The following NBPF14 variants were observed in gnomAD, a reference collection of about 807,000 sequenced individuals.
The protein encoded by NBPF14 is NBPF member 14.
A neutral mutation model predicts 91.2 loss-of-function variants in NBPF14; 104 were observed. The observed-to-expected ratio is 1.14, with a 90% confidence interval of 0.97 to 1.34. NBPF14 has a LOEUF of 1.34. Among genes scored for constraint, NBPF14 ranks in the 40% most tolerant of loss-of-function variants. The pLI, the probability that NBPF14 is intolerant of heterozygous loss-of-function variation, is 0.00. For missense variants in NBPF14, 908 were observed against 783.0 expected, an observed-to-expected ratio of 1.16 and a Z score of -1.91; for synonymous variants, 294 against 303.8, an observed-to-expected ratio of 0.97 and a Z score of 0.34.
Position 148,550,661 on chromosome 1 carries a change from T to TA in NBPF14, c.6021-118dup. ...TTGAAAAGAAAAAGGACAGATCCAT[T>TA]AATGAGGTAACAAATTATTGCCGTT... On this transcript the variant is annotated intron_variant, in intron 48 of 70. Transcript: ENST00000619423. 8.3e-6 allele frequency: 4 copies of TA among 480,052 alleles called. No individual in the cohort carries two copies. The South Asian group carries it at 9.0e-5, about 11-fold the overall frequency. 29.7% of individuals were successfully genotyped at this position (480,052 alleles called of 1,614,324 possible).
intron 28 of NBPF14, among the ~76,000 whole-genome samples, 193 bp from the exon 29 acceptor site, chr1:148,566,508 G>GAC (rs1170223898): frequency 0.018 from 2,213 of 122,046 alleles, 175 homozygotes; most frequent in East Asian, 0.029. Flanking sequence ...GAGAAAGACA[G>GAC]ACACACACAC....
intron 36 of NBPF14, 57 bp from the exon 37 acceptor site, chr1:148,560,022 C>T (rs1416512679): frequency 2.7e-6 from 2 of 739,766 alleles, no homozygotes; most frequent in Non-Finnish European, 4.8e-6. Context: ...ACCACACAGC[C>T]CCAGCTAGAT....
chr1:148,589,780 T>A (rs1662142002), intron 6 of NBPF14, among the ~76,000 whole-genome samples: 1 of 147,430 alleles, frequency 6.8e-6, no homozygotes, highest in Non-Finnish European at 1.5e-5. Flanking sequence ...TCACGCAGGC[T>A]GCAGTGCAGA....
intron 7 of NBPF14, among the ~76,000 whole-genome samples, chr1:148,588,012 AATAG>A (rs1343249063): frequency 2.7e-5 from 4 of 145,834 alleles, no homozygotes; most frequent in African/African-American, 5.0e-5. Context: ...ATGAAGAACT[AATAG>A]ATAGTGTTTA....
intron 37 of NBPF14, among the ~76,000 whole-genome samples, chr1:148,559,463 T>A (rs1342717110): frequency 1.5e-5 from 2 of 131,054 alleles, no homozygotes; most frequent in East Asian, 2.3e-4. Flanking sequence ...ACGCTGAAAT[T>A]AGAGTGAAGG....
chr1:148,551,749 G>C (rs1656244077), intron 47 of NBPF14, among the ~76,000 whole-genome samples: 2 of 19,706 alleles, frequency 1.0e-4, no homozygotes, highest in African/African-American at 8.0e-4. Context: ...AATAGGATCA[G>C]GGCACCACAG....
rs1229091318 is a variant in NBPF14 at position 148,587,222 on chromosome 1, T to C, written c.1091+79A>G. 2.4e-4 allele frequency: 310 copies of C among 1,276,746 alleles called. 35 individuals carry two copies. The Middle Eastern group carries it at 2.8e-3, about 12-fold the overall frequency. 79.1% of individuals were successfully genotyped at this position (1,276,746 alleles called of 1,614,324 possible). ...CCCTTCCCCTGGCCCAGCTGAGCTCTTACGTCTCCCCACTGAGCTGCTGTA... is the reference window on the plus strand; with the variant it reads ...CCCTTCCCCTGGCCCAGCTGAGCTCCTACGTCTCCCCACTGAGCTGCTGTA... On this transcript the variant is annotated intron_variant, in intron 8 of 70. Coordinates refer to ENST00000619423, the Ensembl canonical transcript of NBPF14.
rs1375613657 is a variant in NBPF14, at chr1:148,557,706, T to C, written c.4955-164A>G. Among the ~76,000 whole-genome samples, 6 of 130,378 alleles carry C rather than the reference T, an allele frequency of 4.6e-5. 1 individual carries two copies. The highest frequency in any genetic ancestry group is 7.7e-5 in the Non-Finnish European group (5 of 64,650). 85.5% of individuals were successfully genotyped at this position (130,378 alleles called of 152,430 possible). On this transcript the variant is annotated intron_variant, in intron 39 of 70. Transcript: ENST00000619423. ...GCCTGAAAGCTGGTCATGATATTCC[T>C]TGCTTTGCATCTCAGAACCAAGGGT...
chr1:148,566,398 G>A, intron 28 of NBPF14, 83 bp from the exon 29 acceptor site: 2 of 640,664 alleles, frequency 3.1e-6, no homozygotes, highest in Non-Finnish European at 5.6e-6. Flanking sequence ...GGGTAGCATA[G>A]GGAAGTGGTT....
chr1:148,542,944 A>G (rs1184723539), intron 58 of NBPF14, among the ~76,000 whole-genome samples: 1 of 22,048 alleles, frequency 4.5e-5, no homozygotes, highest in African/African-American at 1.7e-4. Context: ...ACACACACAC[A>G]CACACACACA....
At chr1:148,578,130 G>C in intron 13 of NBPF14, 96 bp from the exon 14 acceptor site, 18 of 724,840 alleles carry the variant, frequency 2.5e-5, no homozygotes, top group Middle Eastern at 3.8e-4. Context: ...CATCAGTCTT[G>C]TCAGTGTGAG....
At chr1:148,566,072 T>G in intron 29 of NBPF14, 71 bp downstream of exon 29, 2 of 356,252 alleles carry the variant, frequency 5.6e-6, no homozygotes, top group Non-Finnish European at 9.6e-6. Context: ...TAATGGCCAC[T>G]TGGAGCAGGA....
At chr1:148,559,652 T>A (rs1657327979) in intron 37 of NBPF14, 141 bp downstream of exon 37, 24 of 593,092 alleles carry the variant, frequency 4.0e-5, no homozygotes, top group Admixed American at 2.2e-4. Flanking sequence ...GGAACTAGAG[T>A]TTCATTCAAC....
At chr1:148,561,565 A>T in exon 35 of NBPF14, 2 of 358,208 alleles carry the variant, frequency 5.6e-6, no homozygotes, top group South Asian at 2.9e-5. Context: ...TACCTCCAGC[A>T]GCTCCCTGCT....
chr1:148,566,689 A>C (rs1306304248), intron 28 of NBPF14, among the ~76,000 whole-genome samples: 1 of 121,546 alleles, frequency 8.2e-6, no homozygotes, highest in Non-Finnish European at 1.8e-5. Context: ...TTTTCCATAA[A>C]ATGTGCTCAA....
At chr1:148,584,196 G>T (rs1439986822) in intron 11 of NBPF14, among the ~76,000 whole-genome samples, 13 of 152,292 alleles carry the variant, frequency 8.5e-5, no homozygotes, top group Non-Finnish European at 1.3e-4. Flanking sequence ...ATACTGAATC[G>T]AAGCTAGGAG....
Position 148,559,790 on chromosome 1 carries a change from C to CA in NBPF14, c.4729+2dup. On this transcript the variant is annotated splice_region_variant and intron_variant, in intron 37 of 70. Transcript: ENST00000619423. ...CTTATCACCTTCATAGAAAGGTACT[C>CA]ACCATCCATGTCAACAGCCAAGCCA... is the stretch of plus-strand genomic sequence containing the variant. 1 of 1,487,590 alleles carries CA rather than the reference C, an allele frequency of 6.7e-7. No homozygotes were observed. Among genetic ancestry groups the CA allele is most frequent in the Non-Finnish European group, 9.0e-7 (1 of 1,106,076 alleles). The allele number at this position is 1,487,590 out of a possible 1,614,324, so 92.1% of individuals were successfully genotyped here.
intron 4 of NBPF14, among the ~76,000 whole-genome samples, chr1:148,592,201 A>G (rs1662615253): frequency 7.0e-6 from 1 of 143,830 alleles, no homozygotes; most frequent in Non-Finnish European, 1.6e-5. Flanking sequence ...TACTAAGAAC[A>G]TTGCCAAAAA....
At chr1:148,566,565 C>A (rs1213898729) in intron 28 of NBPF14, among the ~76,000 whole-genome samples, 29 of 133,496 alleles carry the variant, frequency 2.2e-4, no homozygotes, top group Admixed American at 8.1e-4. Flanking sequence ...ACACAGAGAA[C>A]GAGCTCAGTG....
Sources: gnomAD v4.1 joint callset for allele counts (sites outside exome capture counted in the v4.1 genomes callset) on GRCh38, gnomAD v4.1.1 for gene constraint, MANE v1.5 for transcripts, NCBI Gene and HGNC (gene_info 2026-07-23, HGNC 2026-07-21) for gene names.